LRP1B: variants seen among roughly 807,000 people sequenced by gnomAD.
LRP1B encodes LDL receptor related protein 1B.
Under a neutral mutation model 556.6 loss-of-function variants are expected in LRP1B, and 217 were observed. That is an observed-to-expected ratio of 0.39 (90% CI 0.35 to 0.44). LRP1B has a LOEUF of 0.44. LRP1B is among the 20% of genes least tolerant of loss of function. The pLI, the probability that LRP1B is intolerant of heterozygous loss-of-function variation, is 1.00. For synonymous variants in LRP1B, 2,047 were observed against 1,865.8 expected (o/e 1.10, Z -2.50); for missense variants, 5,053 against 5,620.8 (o/e 0.90, Z 3.23).
intron 3 of LRP1B, among the ~76,000 whole-genome samples, chr2:141,476,391 C>T (rs1338080745): frequency 1.3e-5 from 2 of 152,174 alleles, no homozygotes; most frequent in East Asian, 3.9e-4. Context: ...GATTGAGAGG[C>T]CTTGTATTTT....
At chr2:140,702,334 T>C (rs2105429395) in intron 38 of LRP1B, 42 bp from the exon 39 acceptor site, 9 of 1,607,688 alleles carry the variant, frequency 5.6e-6, no homozygotes, top group Non-Finnish European at 7.6e-6. Context: ...CTATATTTGA[T>C]TGTTTTATTA....
intron 55 of LRP1B, among the ~76,000 whole-genome samples, chr2:140,500,840 A>G (rs1689155095): frequency 6.6e-6 from 1 of 151,926 alleles, no homozygotes; most frequent in African/African-American, 2.4e-5. Context: ...AGAACTCGGT[A>G]GAACAAAATT....
intron 1 of LRP1B, among the ~76,000 whole-genome samples, chr2:141,895,203 T>C (rs1164356695): frequency 6.6e-6 from 1 of 152,126 alleles, no homozygotes; most frequent in Non-Finnish European, 1.5e-5. Flanking sequence ...CTTTGGATAT[T>C]ATTTGGTAAT....
chr2:140,386,078 G>C, intron 66 of LRP1B, 69 bp from the exon 67 acceptor site: 1 of 905,014 alleles, frequency 1.1e-6, no homozygotes, highest in Non-Finnish European at 1.8e-6. Context: ...CGTCCTCACT[G>C]CCATGCCAAA....
chr2:140,287,968 G>A (rs2104980115), intron 84 of LRP1B, among the ~76,000 whole-genome samples: 2 of 151,844 alleles, frequency 1.3e-5, no homozygotes, highest in Middle Eastern at 3.4e-3. Context: ...GATTTATGAT[G>A]TATTTTTGCA....
At chr2:141,809,374 G>A (rs1029172915) in intron 2 of LRP1B, among the ~76,000 whole-genome samples, 7 of 152,012 alleles carry the variant, frequency 4.6e-5, no homozygotes, top group African/African-American at 1.4e-4. Flanking sequence ...AATGAAGACG[G>A]ATTTTTTTTT....
chr2:141,203,305 CAA>C (rs1365692574), intron 6 of LRP1B, among the ~76,000 whole-genome samples: 1 of 150,784 alleles, frequency 6.6e-6, no homozygotes, highest in East Asian at 1.9e-4. Context: ...ATCTCACATG[CAA>C]AGACACACAT....
chr2:140,683,090 C>G lies in LRP1B; in HGVS notation c.6799+17160G>C, dbSNP rs187792395. Among the ~76,000 whole-genome samples the G allele has an allele frequency of 1.6e-3, 242 of 152,296 alleles. 1 individual carries two copies. Among genetic ancestry groups the G allele is most frequent in the Non-Finnish European group, 3.0e-3 (204 of 68,018 alleles). The stretch of plus-strand genomic sequence containing the variant: ...TTCAGAATGGCAGACTACGCTGATG[C>G]AAAAGTAATTGCGGGCTTTGACATT... On this transcript the variant is annotated intron_variant, in intron 41 of 90. Transcript: ENST00000389484.
intron 79 of LRP1B, among the ~76,000 whole-genome samples, chr2:140,331,675 C>CTA (rs1291081425): frequency 5.9e-5 from 7 of 118,500 alleles, no homozygotes; most frequent in African/African-American, 9.9e-5. Context: ...TTAGTTATCA[C>CTA]TATATATATA....
At chr2:141,646,990 T>A (rs1383482805) in intron 2 of LRP1B, among the ~76,000 whole-genome samples, 1 of 152,152 alleles carries the variant, frequency 6.6e-6, no homozygotes, top group Non-Finnish European at 1.5e-5. Context: ...TTCTTCTTCC[T>A]CTTCTTCCTC....
At chr2:141,455,799 T>C (rs138366803) in intron 3 of LRP1B, among the ~76,000 whole-genome samples, 28 of 152,348 alleles carry the variant, frequency 1.8e-4, no homozygotes, top group Non-Finnish European at 3.8e-4. Context: ...ACTTTTGAAA[T>C]GCTTTTGCCA....
chr2:141,658,426 G>A (rs907774665), intron 2 of LRP1B, among the ~76,000 whole-genome samples: 4 of 152,190 alleles, frequency 2.6e-5, no homozygotes, highest in Non-Finnish European at 4.4e-5. Context: ...AATGGAACAA[G>A]GATAAAGTTG....
chr2:140,654,402 T>C (rs1312008042), intron 41 of LRP1B, among the ~76,000 whole-genome samples: 1 of 152,182 alleles, frequency 6.6e-6, no homozygotes, highest in African/African-American at 2.4e-5. Flanking sequence ...GGATGTTTTG[T>C]GAGAATTAAT....
chr2:140,621,384 C>CAAA (rs61045975), intron 41 of LRP1B, among the ~76,000 whole-genome samples: 4 of 106,924 alleles, frequency 3.7e-5, no homozygotes, highest in African/African-American at 7.4e-5. Flanking sequence ...GACTCTGTCT[C>CAAA]AAAAAAAAAA....
At chr2:141,212,249 A>ATTTTTTTTTTTTTTTTTTTTTTTTTTTTT (rs59699046) in intron 6 of LRP1B, among the ~76,000 whole-genome samples, 1 of 62,226 alleles carries the variant, frequency 1.6e-5, no homozygotes, top group African/African-American at 6.6e-5. Context: ...AAAAGTCTAG[A>ATTTTTTTTTTTTTTTTTTTTTTTTTTTTT]TTTTTTTTTT....
At chr2:140,742,144 T>C (rs1174088375) in intron 35 of LRP1B, among the ~76,000 whole-genome samples, 2 of 152,210 alleles carry the variant, frequency 1.3e-5, no homozygotes. Context: ...AAGTAAGTTA[T>C]TAGGAATATT....
chr2:140,621,326 G>A (rs1342345226), intron 41 of LRP1B, among the ~76,000 whole-genome samples: 19 of 150,500 alleles, frequency 1.3e-4, no homozygotes, highest in African/African-American at 3.9e-4. Context: ...CAGAGGTTGC[G>A]GTGAGCTGAG....
chr2:140,385,762 T>C (rs750898109), intron 67 of LRP1B, 131 bp downstream of exon 67: 58 of 679,194 alleles, frequency 8.5e-5, no homozygotes, highest in Non-Finnish European at 1.3e-4. Flanking sequence ...CTTGTCCAAA[T>C]GTGAATATAT....
chr2:141,476,209 G>A (rs1682699815), intron 3 of LRP1B, among the ~76,000 whole-genome samples: 1 of 152,160 alleles, frequency 6.6e-6, no homozygotes, highest in African/African-American at 2.4e-5. Context: ...CATTCTGGGA[G>A]GGGAGTCAGG....
Sources: gnomAD v4.1 joint callset for allele counts (sites outside exome capture counted in the v4.1 genomes callset) on GRCh38, gnomAD v4.1.1 for gene constraint, MANE v1.5 for transcripts, NCBI Gene and HGNC (gene_info 2026-07-23, HGNC 2026-07-21) for gene names.